POT1: variants seen among roughly 807,000 people sequenced by gnomAD.
POT1 encodes protection of telomeres protein 1.
POT1 carries 47 observed loss-of-function variants against 78.5 expected under a neutral mutation model. That is an observed-to-expected ratio of 0.60 (90% CI 0.47 to 0.76). POT1 has a LOEUF of 0.76. POT1 is among the 30% of genes least tolerant of loss of function. POT1 has a pLI of 0.00. For missense variants in POT1, 646 were observed against 749.9 expected, an observed-to-expected ratio of 0.86 and a Z score of 1.62; for synonymous variants, 259 against 260.7, an observed-to-expected ratio of 0.99 and a Z score of 0.06.
At chr7:124,829,107 AATTTAC>A in intron 16 of POT1, 141 bp downstream of exon 16, 1 of 772,526 alleles carries the variant, frequency 1.3e-6, no homozygotes, top group Middle Eastern at 2.3e-4. Flanking sequence ...GATATCTTTA[AATTTAC>A]AAAGTCTGTT....
At chr7:124,851,078 A>G (rs571402558) in intron 11 of POT1, among the ~76,000 whole-genome samples, 1 of 152,224 alleles carries the variant, frequency 6.6e-6, no homozygotes, top group South Asian at 2.1e-4. Context: ...GGTCGAGACC[A>G]GTCTGGGCAA....
chr7:124,900,712 G>C (rs1323807399), intron 3 of POT1: 1 of 225,964 alleles, frequency 4.4e-6, no homozygotes, highest in African/African-American at 2.3e-5. Context: ...CGCCTCACTG[G>C]GGAAGTGCAA....
intron 5 of POT1, among the ~76,000 whole-genome samples, chr7:124,894,373 T>C (rs1016105871): frequency 6.6e-6 from 1 of 151,492 alleles, no homozygotes; most frequent in Non-Finnish European, 1.5e-5. Flanking sequence ...TATTCTATCT[T>C]AACATCTCAT....
chr7:124,832,046 T>C (rs1584751001), intron 15 of POT1, among the ~76,000 whole-genome samples: 1 of 147,762 alleles, frequency 6.8e-6, no homozygotes, highest in East Asian at 2.0e-4. Context: ...GGTAGGCAGA[T>C]TGCTTGAACT....
At chr7:124,881,028 T>G (rs1796105461) in intron 6 of POT1, among the ~76,000 whole-genome samples, 1 of 152,036 alleles carries the variant, frequency 6.6e-6, no homozygotes, top group Non-Finnish European at 1.5e-5. Flanking sequence ...TATAAAATAA[T>G]GAGCAGTTTC....
intron 6 of POT1, among the ~76,000 whole-genome samples, chr7:124,885,625 G>C (rs1389385709): frequency 6.6e-6 from 1 of 152,010 alleles, no homozygotes; most frequent in Non-Finnish European, 1.5e-5. Context: ...AATTAGCCAG[G>C]CGTGGTGGCT....
At chr7:124,918,986 T>C (rs1797082338) in intron 2 of POT1, among the ~76,000 whole-genome samples, 1 of 152,120 alleles carries the variant, frequency 6.6e-6, no homozygotes, top group Non-Finnish European at 1.5e-5. Flanking sequence ...ATGTGGTGCT[T>C]AACAACAGGG....
At chr7:124,900,067 G>GT (rs992223337) in intron 3 of POT1, among the ~76,000 whole-genome samples, 10 of 151,880 alleles carry the variant, frequency 6.6e-5, no homozygotes, top group Non-Finnish European at 1.0e-4. Flanking sequence ...AACAATCACA[G>GT]TTTTTTTTAA....
intron 5 of POT1, among the ~76,000 whole-genome samples, chr7:124,896,802 T>A (rs1796502296): frequency 6.6e-6 from 1 of 151,734 alleles, no homozygotes; most frequent in Non-Finnish European, 1.5e-5. Flanking sequence ...CAGCACATAA[T>A]TGTCTGGTTA....
At chr7:124,883,532 T>C (rs1796172493) in intron 6 of POT1, among the ~76,000 whole-genome samples, 1 of 152,084 alleles carries the variant, frequency 6.6e-6, no homozygotes, top group African/African-American at 2.4e-5. Context: ...TACAAAACTA[T>C]ATATTTATTT....
chr7:124,888,137 T>C (rs1389029143), intron 6 of POT1, among the ~76,000 whole-genome samples: 3 of 152,116 alleles, frequency 2.0e-5, no homozygotes, highest in East Asian at 1.9e-4. Context: ...CCACATTGAA[T>C]TGATTTTTTT....
intron 3 of POT1, among the ~76,000 whole-genome samples, chr7:124,902,698 G>A (rs1256839316): frequency 6.6e-6 from 1 of 152,106 alleles, no homozygotes; most frequent in Non-Finnish European, 1.5e-5. Context: ...ATGTAAATGG[G>A]CTAAATGCTC....
intron 6 of POT1, among the ~76,000 whole-genome samples, chr7:124,875,153 T>C (rs1329321067): frequency 1.3e-5 from 2 of 152,160 alleles, no homozygotes; most frequent in African/African-American, 4.8e-5. Flanking sequence ...ATAAATTTTA[T>C]TTATTTTCCA....
At chr7:124,894,678 A>G (rs1016138640) in intron 5 of POT1, among the ~76,000 whole-genome samples, 2 of 151,576 alleles carry the variant, frequency 1.3e-5, no homozygotes, top group African/African-American at 4.8e-5. Context: ...AATTTACATG[A>G]TTCCCAATAA....
chr7:124,855,918 G>C lies in POT1; in HGVS notation c.703-2780C>G, dbSNP rs143835677. 5.9e-3 allele frequency among the ~76,000 whole-genome samples: 905 copies of C among 152,108 alleles called. 8 individuals are homozygous for C. The highest frequency in any genetic ancestry group is 0.021 in the African/African-American group (866 of 41,536). On this transcript the variant is annotated intron_variant, in intron 9 of 18. Transcript: ENST00000357628. ...GTGTCTGGATAAGAGTAGGGATTTA[G>C]AAAGTAAAGCTTTAGTTTCCAGACA... is the stretch of plus-strand genomic sequence containing the variant.
chr7:124,888,956 G>A (rs751245726), intron 6 of POT1, among the ~76,000 whole-genome samples: 2 of 151,780 alleles, frequency 1.3e-5, no homozygotes, highest in Non-Finnish European at 1.5e-5. Flanking sequence ...TAGATGACTT[G>A]ATAACCCTAT....
intron 17 of POT1, 24 bp downstream of exon 17, chr7:124,827,190 A>G: frequency 1.5e-6 from 2 of 1,292,662 alleles, no homozygotes. Flanking sequence ...AATTAAAAAT[A>G]TCTTTATTAC....
intron 6 of POT1, among the ~76,000 whole-genome samples, chr7:124,877,840 CAAAAAA>C (rs201285982): frequency 3.8e-4 from 31 of 80,570 alleles, no homozygotes; most frequent in East Asian, 1.1e-3. Context: ...GATTCTGTCT[CAAAAAA>C]AAAAAAAAAA....
At chr7:124,825,700 G>A (rs1392313410) in intron 17 of POT1, among the ~76,000 whole-genome samples, 1 of 152,054 alleles carries the variant, frequency 6.6e-6, no homozygotes, top group Admixed American at 6.6e-5. Flanking sequence ...TACAGTATAT[G>A]TATTATATAG....
Sources: allele counts gnomAD v4.1 joint callset (sites outside exome capture counted in the v4.1 genomes callset), GRCh38; gene constraint gnomAD v4.1.1; transcripts MANE v1.5; gene names NCBI Gene and HGNC (gene_info 2026-07-23, HGNC 2026-07-21).